FSTL5: variants seen among roughly 807,000 people sequenced by gnomAD.
The protein encoded by FSTL5 is follistatin-related protein 5.
A neutral mutation model predicts 89.1 loss-of-function variants in FSTL5; 62 were observed. The ratio of observed to expected loss-of-function variants is 0.70; its 90% confidence interval spans 0.57 to 0.86. FSTL5 has a LOEUF of 0.86. Among genes scored for constraint, FSTL5 ranks in the 40% least tolerant of loss-of-function variants. The pLI is 0.00. For synonymous variants in FSTL5, 383 were observed against 346.2 expected, an observed-to-expected ratio of 1.11 and a Z score of -1.18; for missense variants, 1,057 against 1,001.6, an observed-to-expected ratio of 1.06 and a Z score of -0.75.
intron 2 of FSTL5, among the ~76,000 whole-genome samples, chr4:162,093,658 A>C (rs1730638535): frequency 6.6e-6 from 1 of 152,150 alleles, no homozygotes; most frequent in South Asian, 2.1e-4. Flanking sequence ...AAAAGCTATA[A>C]AAACTTTAAA....
At chr4:161,640,022 A>G (rs181037420) in intron 7 of FSTL5, among the ~76,000 whole-genome samples, 6 of 152,214 alleles carry the variant, frequency 3.9e-5, no homozygotes, top group African/African-American at 1.4e-4. Context: ...TTTCAAAGGA[A>G]ATTTACATAC....
intron 13 of FSTL5, among the ~76,000 whole-genome samples, chr4:161,478,244 A>C (rs1399933596): frequency 6.6e-6 from 1 of 152,136 alleles, no homozygotes; most frequent in Non-Finnish European, 1.5e-5. Flanking sequence ...CAAATATAGT[A>C]AATTATACTT....
At chr4:161,626,592 A>C (rs1735324321) in intron 7 of FSTL5, among the ~76,000 whole-genome samples, 1 of 151,744 alleles carries the variant, frequency 6.6e-6, no homozygotes, top group Non-Finnish European at 1.5e-5. Flanking sequence ...TTATGATTGC[A>C]ATCACCACAT....
At chr4:161,830,902 T>A (rs1454430461) in intron 4 of FSTL5, among the ~76,000 whole-genome samples, 2 of 151,952 alleles carry the variant, frequency 1.3e-5, no homozygotes, top group African/African-American at 4.8e-5. Flanking sequence ...CCAGACCCCA[T>A]AGGATTCTGC....
At chr4:162,038,954 A>T (rs1737844694) in intron 2 of FSTL5, among the ~76,000 whole-genome samples, 2 of 151,848 alleles carry the variant, frequency 1.3e-5, no homozygotes, top group Non-Finnish European at 2.9e-5. Flanking sequence ...ATTTTAAGGG[A>T]GAGCCATAAA....
chr4:161,568,640 A>C (rs991322491), intron 8 of FSTL5, among the ~76,000 whole-genome samples: 1 of 151,334 alleles, frequency 6.6e-6, no homozygotes, highest in African/African-American at 2.5e-5. Context: ...AGCTGTCATT[A>C]TTCAGCTTTG....
At chr4:162,157,645 T>C (rs75313250) in intron 1 of FSTL5, among the ~76,000 whole-genome samples, 1,557 of 152,248 alleles carry the variant, frequency 0.01, 15 homozygotes, top group Middle Eastern at 0.021. Context: ...TGTTAACCAA[T>C]ATGTAAAATA....
At chr4:161,591,414 A>G (rs116537593) in intron 7 of FSTL5, among the ~76,000 whole-genome samples, 3,183 of 152,308 alleles carry the variant, frequency 0.021, 105 homozygotes, top group African/African-American at 0.07. Context: ...TTGCTAATAT[A>G]CTAGAAAGCA....
At chr4:161,480,401 C>T (rs1729456436) in intron 13 of FSTL5, among the ~76,000 whole-genome samples, 1 of 152,210 alleles carries the variant, frequency 6.6e-6, no homozygotes, top group African/African-American at 2.4e-5. Context: ...CCCTGTACTT[C>T]ACCTTGGTTG....
intron 4 of FSTL5, among the ~76,000 whole-genome samples, chr4:161,857,100 G>A (rs1456523370): frequency 6.6e-6 from 1 of 152,166 alleles, no homozygotes; most frequent in African/African-American, 2.4e-5. Flanking sequence ...AAAGGTGGCA[G>A]GGGCATTTGA....
At chr4:161,534,901 A>G (rs887102013) in intron 10 of FSTL5, among the ~76,000 whole-genome samples, 6 of 152,104 alleles carry the variant, frequency 3.9e-5, no homozygotes, top group African/African-American at 1.2e-4. Context: ...TGAAACAGAC[A>G]CCCCAGAAAT....
intron 15 of FSTL5, among the ~76,000 whole-genome samples, chr4:161,424,510 A>C (rs139238975): frequency 0.019 from 2,629 of 141,940 alleles, 78 homozygotes; most frequent in African/African-American, 0.062. Flanking sequence ...AAAAGCTTAC[A>C]TCTCCTTTTC....
intron 12 of FSTL5, among the ~76,000 whole-genome samples, chr4:161,488,403 T>G (rs753856488): frequency 2.0e-4 from 31 of 152,130 alleles, no homozygotes; most frequent in Non-Finnish European, 4.1e-4. Flanking sequence ...ATTTTTATGC[T>G]TTCTTTTAAT....
chr4:161,849,422 T>C (rs1339718180), intron 4 of FSTL5, among the ~76,000 whole-genome samples: 1 of 151,992 alleles, frequency 6.6e-6, no homozygotes, highest in Admixed American at 6.6e-5. Context: ...AAAAAAAGCC[T>C]CTAAAGCTTT....
chr4:161,638,291 T>C (rs994277602), intron 7 of FSTL5, among the ~76,000 whole-genome samples: 2 of 151,706 alleles, frequency 1.3e-5, no homozygotes, highest in African/African-American at 4.9e-5. Flanking sequence ...ATAAGAATGC[T>C]TGTGATTTTT....
intron 8 of FSTL5, among the ~76,000 whole-genome samples, chr4:161,564,918 T>C (rs1252052156): frequency 1.3e-5 from 2 of 151,862 alleles, no homozygotes; most frequent in African/African-American, 2.4e-5. Context: ...ATAATAGTGA[T>C]AGAACACTGA....
intron 2 of FSTL5, among the ~76,000 whole-genome samples, chr4:162,095,829 G>A (rs1224237799): frequency 2.0e-5 from 3 of 151,914 alleles, no homozygotes; most frequent in Non-Finnish European, 2.9e-5. Flanking sequence ...TATGCTTGCG[G>A]TAGAAATGTG....
chr4:162,052,627 G>A (rs982817863), intron 2 of FSTL5, among the ~76,000 whole-genome samples: 3 of 151,656 alleles, frequency 2.0e-5, no homozygotes, highest in African/African-American at 7.2e-5. Flanking sequence ...TCATTGATTT[G>A]TACCAATGGA....
intron 3 of FSTL5, among the ~76,000 whole-genome samples, chr4:161,996,602 T>G (rs1736303759): frequency 1.3e-5 from 2 of 152,318 alleles, no homozygotes; most frequent in South Asian, 4.1e-4. Context: ...CTGATCAAAT[T>G]TAATGTCATT....
Sources: gnomAD v4.1 joint callset for allele counts (sites outside exome capture counted in the v4.1 genomes callset) on GRCh38, gnomAD v4.1.1 for gene constraint, MANE v1.5 for transcripts, NCBI Gene and HGNC (gene_info 2026-07-23, HGNC 2026-07-21) for gene names.